CTNNA1: variants seen among roughly 807,000 people sequenced by gnomAD.
CTNNA1 encodes the protein catenin alpha 1, also known as catenin alpha-1.
A neutral mutation model predicts 98.4 loss-of-function variants in CTNNA1; 37 were observed. That is an observed-to-expected ratio of 0.38 (90% CI 0.29 to 0.49). The LOEUF is 0.49. Ranked by LOEUF, CTNNA1 falls within the 20% of genes least tolerant of loss-of-function variation. The probability of loss-of-function intolerance (pLI) is 0.95; values close to 1 mark genes in which losing one functional copy is unlikely to be tolerated. For missense variants in CTNNA1, 761 were observed against 1,147.2 expected (o/e 0.66, Z 4.86); for synonymous variants, 404 against 413.2 (o/e 0.98, Z 0.27).
chr5:138,932,496 T>A (rs1765581670), intron 16 of CTNNA1, 82 bp from the exon 17 acceptor site: 1 of 1,563,572 alleles, frequency 6.4e-7, no homozygotes, highest in Non-Finnish European at 8.7e-7. Flanking sequence ...AGTGCCACAC[T>A]GAACCTTTCA....
At chr5:138,836,658 G>T (rs1177381364) in intron 7 of CTNNA1, among the ~76,000 whole-genome samples, 1 of 152,182 alleles carries the variant, frequency 6.6e-6, no homozygotes, top group Admixed American at 6.5e-5. Context: ...GATGGAGCAG[G>T]CATGTAAGCC....
At chr5:138,767,042 T>TTTCC (rs1318896085) in intron 1 of CTNNA1, among the ~76,000 whole-genome samples, 1 of 151,718 alleles carries the variant, frequency 6.6e-6, no homozygotes, top group Non-Finnish European at 1.5e-5. Context: ...CTTTTCTTTC[T>TTTCC]TTCTTTTTTT....
At chr5:138,836,198 TTGACA>T (rs1761757556) in intron 7 of CTNNA1, among the ~76,000 whole-genome samples, 1 of 152,206 alleles carries the variant, frequency 6.6e-6, no homozygotes, top group Non-Finnish European at 1.5e-5. Flanking sequence ...TTTGTATTCC[TTGACA>T]TAAGTGTCCC....
At chr5:138,881,234 G>T in intron 7 of CTNNA1, 1 of 390,654 alleles carries the variant, frequency 2.6e-6, no homozygotes, top group Non-Finnish European at 5.2e-6. Flanking sequence ...TTAAGAAGAG[G>T]GCATTCTTTG....
At position 138,907,673 on chromosome 5, in the gene CTNNA1, C is replaced by G. The variant is rs114365013; in HGVS notation, c.1389+3232C>G. Among the ~76,000 whole-genome samples, 430 of 152,294 alleles carry G rather than the reference C, an allele frequency of 2.8e-3. 3 individuals are homozygous for G. Among genetic ancestry groups the G allele is most frequent in the Non-Finnish European group, 5.3e-3 (361 of 68,026 alleles). On this transcript the variant is annotated intron_variant, in intron 10 of 17. Transcript: ENST00000302763. ...AGGTAACTAGGGTAGTTAGTTAATTCACTAGGAGCTTAATTTGGTGTTTTA... is the reference window on the plus strand; with the variant it reads ...AGGTAACTAGGGTAGTTAGTTAATTGACTAGGAGCTTAATTTGGTGTTTTA...
At chr5:138,882,171 T>C (rs1228915876) in intron 7 of CTNNA1, among the ~76,000 whole-genome samples, 1 of 152,230 alleles carries the variant, frequency 6.6e-6, no homozygotes, top group African/African-American at 2.4e-5. Flanking sequence ...CATGAGATGG[T>C]GTGGTAGCAT....
chr5:138,783,804 A>G (rs368526089), intron 3 of CTNNA1, among the ~76,000 whole-genome samples: 21 of 152,322 alleles, frequency 1.4e-4, no homozygotes, highest in African/African-American at 5.1e-4. Flanking sequence ...GATAAAATGG[A>G]AAAATATCTA....
intron 1 of CTNNA1, among the ~76,000 whole-genome samples, chr5:138,771,301 C>T (rs147345850): frequency 6.6e-6 from 1 of 151,762 alleles, no homozygotes; most frequent in Middle Eastern, 3.2e-3. Flanking sequence ...CCAACTGCTC[C>T]CATTGCCTTT....
At chr5:138,831,189 G>T (rs1244722106) in intron 7 of CTNNA1, among the ~76,000 whole-genome samples, 2 of 152,024 alleles carry the variant, frequency 1.3e-5, no homozygotes, top group Non-Finnish European at 2.9e-5. Context: ...TTCTTTCTTC[G>T]TTTTGTGTTG....
intron 1 of CTNNA1, among the ~76,000 whole-genome samples, chr5:138,759,372 C>T (rs1752063238): frequency 6.6e-6 from 1 of 152,198 alleles, no homozygotes; most frequent in African/African-American, 2.4e-5. Flanking sequence ...GCACCTTTCC[C>T]TGGGCGCATG....
chr5:138,907,096 A>C (rs1176164471), intron 10 of CTNNA1, among the ~76,000 whole-genome samples: 1 of 152,064 alleles, frequency 6.6e-6, no homozygotes, highest in African/African-American at 2.4e-5. Context: ...ATCTCTGCTC[A>C]CTGCAGCCTC....
At chr5:138,849,560 A>G (rs1763010083) in intron 7 of CTNNA1, among the ~76,000 whole-genome samples, 2 of 152,320 alleles carry the variant, frequency 1.3e-5, no homozygotes, top group East Asian at 1.9e-4. Flanking sequence ...TTATTAGGAA[A>G]ATCTTTATAG....
intron 1 of CTNNA1, among the ~76,000 whole-genome samples, chr5:138,760,965 A>G (rs1399554739): frequency 1.3e-5 from 2 of 152,190 alleles, no homozygotes; most frequent in Non-Finnish European, 2.9e-5. Flanking sequence ...GGAAGGCCAC[A>G]TGCTGGTGAT....
At position 138,874,156 on chromosome 5, in the gene CTNNA1, C is replaced by T. The variant is rs762196964; in HGVS notation, c.1063-12056C>T. On this transcript the variant is annotated intron_variant, in intron 7 of 17. Transcript: ENST00000302763. The surrounding 1 kb of genome is among the most constrained non-coding windows in gnomAD (Gnocchi z 4.1). ...GATTAAAAGACAGGTCCAAATTTTGCAGGTTAATCAGTTGGGTAAAAGTTG... is the reference window on the plus strand; with the variant it reads ...GATTAAAAGACAGGTCCAAATTTTGTAGGTTAATCAGTTGGGTAAAAGTTG... The T allele has an allele frequency of 4.3e-5, 70 of 1,613,468 alleles. No homozygotes were observed. The highest frequency in any genetic ancestry group is 4.5e-5 in the Non-Finnish European group (53 of 1,179,668).
intron 1 of CTNNA1, among the ~76,000 whole-genome samples, chr5:138,774,912 GCCA>G (rs1429092474): frequency 1.3e-5 from 2 of 152,160 alleles, no homozygotes; most frequent in Non-Finnish European, 2.9e-5. Context: ...CCCGTCCTGT[GCCA>G]CCTTTTTTAA....
At chr5:138,788,999 T>C (rs1413768109) in intron 3 of CTNNA1, among the ~76,000 whole-genome samples, 1 of 152,250 alleles carries the variant, frequency 6.6e-6, no homozygotes, top group Non-Finnish European at 1.5e-5. Flanking sequence ...TTTGTATTCC[T>C]GCACTGCTTC....
chr5:138,877,738 C>T (rs1333406236), intron 7 of CTNNA1, among the ~76,000 whole-genome samples: 4 of 152,158 alleles, frequency 2.6e-5, no homozygotes, highest in African/African-American at 4.8e-5. Context: ...TGAGCCACCG[C>T]GCCCGGCCAA....
intron 7 of CTNNA1, among the ~76,000 whole-genome samples, chr5:138,876,736 T>A (rs1394601005): frequency 6.6e-6 from 1 of 152,116 alleles, no homozygotes; most frequent in African/African-American, 2.4e-5. Flanking sequence ...TAAGAAGTAA[T>A]TGTCTTGGGT....
chr5:138,886,690 T>A (rs1001356279), intron 8 of CTNNA1, among the ~76,000 whole-genome samples: 2 of 152,150 alleles, frequency 1.3e-5, no homozygotes, highest in African/African-American at 2.4e-5. Flanking sequence ...TTCCCTTAGA[T>A]CCATGGTGAA....
Sources: allele counts gnomAD v4.1 joint callset (sites outside exome capture counted in the v4.1 genomes callset), GRCh38; gene constraint gnomAD v4.1.1; non-coding constraint Gnocchi (gnomAD v3.1); transcripts MANE v1.5; gene names NCBI Gene and HGNC (gene_info 2026-07-23, HGNC 2026-07-21).